The following RPS6KA2 variants were observed in gnomAD, a reference collection of about 807,000 sequenced individuals.
The protein encoded by RPS6KA2 is ribosomal protein S6 kinase alpha-2.
RPS6KA2 carries 42 observed loss-of-function variants against 91.8 expected under a neutral mutation model. The ratio of observed to expected loss-of-function variants is 0.46; its 90% CI spans 0.36 to 0.59. RPS6KA2 has a LOEUF of 0.59. RPS6KA2 is among the 20% of genes least tolerant of loss of function. RPS6KA2 has a pLI of 0.00. For synonymous variants in RPS6KA2, 414 were observed against 393.6 expected (o/e 1.05, Z -0.61); for missense variants, 798 against 978.5 (o/e 0.82, Z 2.46).
chr6:166,590,028 A>C (rs1785306007), intron 1 of RPS6KA2, among the ~76,000 whole-genome samples: 1 of 152,112 alleles, frequency 6.6e-6, no homozygotes, highest in Non-Finnish European at 1.5e-5. Flanking sequence ...TCAGAGGAGG[A>C]GGCAAGGGAA....
intron 6 of RPS6KA2, among the ~76,000 whole-genome samples, chr6:166,503,822 C>A (rs1782103788): frequency 6.6e-6 from 1 of 152,164 alleles, no homozygotes; most frequent in Admixed American, 6.5e-5. Context: ...CTTTACTGTT[C>A]AAAAATCTAG....
rs371523253 is a variant in RPS6KA2, at chr6:166,676,509, G to A, written c.124-137725C>T. 1.1e-4 allele frequency among the ~76,000 whole-genome samples: 17 copies of A among 152,162 alleles called. No homozygotes were observed. In the East Asian group the frequency reaches 2.7e-3, roughly 24 times the overall value. ...CTAGCGGCTCGGCTCCCTATTACACGGGAAGATTCCTCTTGATTTGAAGTC... is the reference window on the plus strand; with the variant it reads ...CTAGCGGCTCGGCTCCCTATTACACAGGAAGATTCCTCTTGATTTGAAGTC... On this transcript the variant is annotated intron_variant, in intron 2 of 21. Transcript: ENST00000503859.
Position 166,711,275 on chromosome 6 carries a change from G to A in RPS6KA2, c.123+146925C>T, listed in dbSNP as rs9366048. Reference sequence around the variant, plus strand: ...CCCCCACTTCCTAGGTTGGAGTCACGTGAGACCCAGTCTGTTAAAACAGAA... The same window carrying A: ...CCCCCACTTCCTAGGTTGGAGTCACATGAGACCCAGTCTGTTAAAACAGAA... On this transcript the variant is annotated intron_variant, in intron 2 of 21. Coordinates refer to the RPS6KA2 transcript ENST00000503859. Among the ~76,000 whole-genome samples the A allele has an allele frequency of 2.5e-4, 20 of 79,894 alleles. No homozygotes were observed. The East Asian group carries it at 6.8e-3, about 27-fold the overall frequency. The allele number at this position is 79,894 out of a possible 152,430, so 52.4% of individuals were successfully genotyped here. A position where few individuals can be genotyped will look rare whatever the true frequency, so the allele number is the denominator to read the frequency against.
chr6:166,582,411 T>C (rs184966434), intron 1 of RPS6KA2, among the ~76,000 whole-genome samples: 2 of 152,362 alleles, frequency 1.3e-5, no homozygotes, highest in African/African-American at 4.8e-5. Flanking sequence ...AATGACCATA[T>C]ACTAACCCAT....
intron 2 of RPS6KA2, among the ~76,000 whole-genome samples, chr6:166,633,057 A>G (rs1787133292): frequency 6.6e-6 from 1 of 152,186 alleles, no homozygotes; most frequent in African/African-American, 2.4e-5. Flanking sequence ...TTTCTCTACT[A>G]AAAAATACAA....
chr6:166,858,646 G>A (rs930244465), intron 1 of RPS6KA2, among the ~76,000 whole-genome samples: 7 of 152,218 alleles, frequency 4.6e-5, no homozygotes, highest in African/African-American at 7.2e-5. Flanking sequence ...ACAGAGCAGC[G>A]GTGAAGGCAT....
rs1778262386 is a variant in RPS6KA2, at chr6:166,410,341, T to C, written c.*2421A>G. On this transcript the variant is annotated 3_prime_UTR_variant, in exon 21 of 21. Transcript: ENST00000265678. ...AGAACACCTTCATTTACATGTCGAC[T>C]GCTGCTTGAAAGCAGTCACTTGCTA... 6.6e-6 allele frequency: 1 copy of C among 152,428 alleles called. No individual in the cohort carries two copies. Among genetic ancestry groups the C allele is most frequent in the Non-Finnish European group, 1.5e-5 (1 of 68,030 alleles). The allele number at this position is 152,428 out of a possible 1,614,324, so 9.4% of individuals were successfully genotyped here. A position where few individuals can be genotyped will look rare whatever the true frequency, so the allele number is the denominator to read the frequency against.
intron 2 of RPS6KA2, among the ~76,000 whole-genome samples, chr6:166,845,347 C>A (rs921375344): frequency 1.3e-5 from 2 of 152,032 alleles, no homozygotes; most frequent in Non-Finnish European, 1.5e-5. Flanking sequence ...TAAACTATAC[C>A]CTACAACAAA....
At chr6:166,853,470 G>C (rs1340608128) in intron 2 of RPS6KA2, among the ~76,000 whole-genome samples, 1 of 152,224 alleles carries the variant, frequency 6.6e-6, no homozygotes, top group Non-Finnish European at 1.5e-5. Context: ...CCGTGGAAGT[G>C]GACAGGTGGG....
intron 2 of RPS6KA2, among the ~76,000 whole-genome samples, chr6:166,731,672 TG>T (rs1193758079): frequency 6.6e-6 from 1 of 151,882 alleles, no homozygotes; most frequent in Non-Finnish European, 1.5e-5. Context: ...TAAATGACCC[TG>T]GCCTTGCCTT....
chr6:166,683,671 G>C (rs1788908029), intron 2 of RPS6KA2, among the ~76,000 whole-genome samples: 1 of 152,196 alleles, frequency 6.6e-6, no homozygotes, highest in South Asian at 2.1e-4. Flanking sequence ...TGGATAACTA[G>C]GTAGGCGCAA....
intron 3 of RPS6KA2, among the ~76,000 whole-genome samples, chr6:166,526,203 A>G (rs6903112): frequency 6.6e-6 from 1 of 151,972 alleles, no homozygotes; most frequent in African/African-American, 2.4e-5. Flanking sequence ...TTTTTGGGAA[A>G]AAAAAATCTA....
At chr6:166,509,794 A>G (rs1412180123) in intron 4 of RPS6KA2, among the ~76,000 whole-genome samples, 1 of 152,234 alleles carries the variant, frequency 6.6e-6, no homozygotes, top group Admixed American at 6.5e-5. Flanking sequence ...TTGGTTAATT[A>G]TTTGAGCCTC....
chr6:166,719,075 C>T (rs1334963666), intron 2 of RPS6KA2, among the ~76,000 whole-genome samples: 4 of 152,310 alleles, frequency 2.6e-5, no homozygotes, highest in South Asian at 2.1e-4. Context: ...GCCACACAAC[C>T]TCTGTCACGC....
rs1783368843 is a variant in RPS6KA2, at chr6:166,533,494, C to T, written c.217-2181G>A. ...TGGCAGGGACGCCACATTTCCCCGG[C>T]ATCCTGCAGGTAAGTTGGGCAGTGA... On this transcript the variant is annotated intron_variant, in intron 2 of 20. Coordinates refer to ENST00000265678, the MANE Select transcript of RPS6KA2 (RefSeq NM_021135.6). This position sits in a 1 kb window ranked among gnomAD's most constrained non-coding sequence, Gnocchi z 4.0. Among the ~76,000 whole-genome samples, 2 of 152,244 alleles carry T rather than the reference C, an allele frequency of 1.3e-5. No individual in the cohort carries two copies. The highest frequency in any genetic ancestry group is 6.5e-5 in the Admixed American group (1 of 15,292).
intron 2 of RPS6KA2, among the ~76,000 whole-genome samples, chr6:166,798,772 C>G (rs983692852): frequency 5.9e-5 from 9 of 152,230 alleles, no homozygotes; most frequent in African/African-American, 1.9e-4. Context: ...TCTCCTGCCC[C>G]CTTCTCCACA....
chr6:166,501,436 C>T (rs557294477), intron 6 of RPS6KA2, among the ~76,000 whole-genome samples: 89 of 152,316 alleles, frequency 5.8e-4, no homozygotes, highest in Middle Eastern at 3.4e-3. Context: ...AAGCGGGGGC[C>T]AAGGCATCGA....
In RPS6KA2 at chr6:166,448,793, G is replaced by T. The variant is rs765331971; in HGVS notation, c.1263C>A (p.Ile421=). The T allele has an allele frequency of 6.2e-7, 1 of 1,613,792 alleles. No homozygotes were observed. Among genetic ancestry groups the T allele is most frequent in the Non-Finnish European group, 8.5e-7 (1 of 1,179,940 alleles). The change falls in exon 14 of 21, where the codon ATC becomes ATA. Residue 421 remains isoleucine (I), a synonymous_variant. Coordinates refer to ENST00000265678, the MANE Select transcript of RPS6KA2 (RefSeq NM_021135.6). The surrounding 1 kb of genome is among the most constrained non-coding windows in gnomAD (Gnocchi z 4.7). ...TGCACACTGAGTAGGAGCCCACCCC[G>T]ATGTCCTCCTTGATCTCGTAGCCAT... ...FTDGYEIKED[I]GVGSYSVCKR...
intron 2 of RPS6KA2, among the ~76,000 whole-genome samples, chr6:166,686,856 C>T (rs568018208): frequency 6.6e-6 from 1 of 152,354 alleles, no homozygotes; most frequent in Admixed American, 6.5e-5. Context: ...GTGCCAATTA[C>T]AGTGTGGCCA....
Sources: allele counts gnomAD v4.1 joint callset (sites outside exome capture counted in the v4.1 genomes callset), GRCh38; gene constraint gnomAD v4.1.1; non-coding constraint Gnocchi (gnomAD v3.1); transcripts MANE v1.5; gene names NCBI Gene and HGNC (gene_info 2026-07-23, HGNC 2026-07-21).